TRIM44: variants seen among roughly 807,000 people sequenced by gnomAD.
TRIM44 encodes tripartite motif-containing protein 44.
Under a neutral mutation model 37.4 loss-of-function variants are expected in TRIM44, and 13 were observed. The observed-to-expected ratio is 0.35, with a 90% CI of 0.23 to 0.55. TRIM44 has a LOEUF of 0.55. Ranked by LOEUF, TRIM44 falls within the 20% of genes least tolerant of loss-of-function variation. TRIM44 has a pLI of 0.89. For synonymous variants in TRIM44, 175 were observed against 157.2 expected (o/e 1.11, Z -0.85); for missense variants, 426 against 437.2 (o/e 0.97, Z 0.23).
At chr11:35,742,798 A>T (rs899556458) in intron 4 of TRIM44, among the ~76,000 whole-genome samples, 11 of 139,674 alleles carry the variant, frequency 7.9e-5, no homozygotes. Flanking sequence ...AATTATATTA[A>T]TATATTAAAT....
At chr11:35,744,170 C>A (rs1852454270) in intron 4 of TRIM44, among the ~76,000 whole-genome samples, 1 of 152,154 alleles carries the variant, frequency 6.6e-6, no homozygotes, top group Non-Finnish European at 1.5e-5. Flanking sequence ...TAGGGCTTTT[C>A]TGCTCATTTC....
At chr11:35,803,987 GAAAAA>G (rs201464930) in intron 4 of TRIM44, among the ~76,000 whole-genome samples, 1 of 118,120 alleles carries the variant, frequency 8.5e-6, no homozygotes. Context: ...GTTCTGGGAA[GAAAAA>G]AAAAAAAAAA....
chr11:35,706,839 T>G (rs1045956833), intron 2 of TRIM44, among the ~76,000 whole-genome samples: 1 of 151,486 alleles, frequency 6.6e-6, no homozygotes, highest in Non-Finnish European at 1.5e-5. Flanking sequence ...AGCATTCCCT[T>G]TGAAAACTGG....
intron 2 of TRIM44, among the ~76,000 whole-genome samples, chr11:35,725,066 T>TCA (rs59413888): frequency 0.049 from 6,841 of 141,020 alleles, 249 homozygotes; most frequent in East Asian, 0.21. Context: ...ATGCACACAC[T>TCA]CACACACACA....
At chr11:35,693,024 A>G (rs1225213322) in intron 2 of TRIM44, among the ~76,000 whole-genome samples, 1 of 152,172 alleles carries the variant, frequency 6.6e-6, no homozygotes, top group Non-Finnish European at 1.5e-5. Flanking sequence ...CCAGAATCAC[A>G]GCAGATTCAG....
At chr11:35,773,829 C>T (rs1382009006) in intron 4 of TRIM44, among the ~76,000 whole-genome samples, 9 of 152,152 alleles carry the variant, frequency 5.9e-5, no homozygotes, top group Admixed American at 5.9e-4. Flanking sequence ...GCATAGTATC[C>T]CGTGGTGTAT....
chr11:35,805,659 G>A (rs959433100), intron 4 of TRIM44, among the ~76,000 whole-genome samples: 21 of 152,132 alleles, frequency 1.4e-4, no homozygotes, highest in African/African-American at 4.8e-4. Context: ...GCACCTCTAT[G>A]TGCCCAGCCC....
At chr11:35,762,543 T>C (rs537316330) in intron 4 of TRIM44, among the ~76,000 whole-genome samples, 1 of 152,312 alleles carries the variant, frequency 6.6e-6, no homozygotes, top group African/African-American at 2.4e-5. Flanking sequence ...GGGCTTGTGA[T>C]AGGATGAAAT....
intron 1 of TRIM44, among the ~76,000 whole-genome samples, chr11:35,664,255 A>G (rs1259661560): frequency 6.6e-6 from 1 of 152,192 alleles, no homozygotes; most frequent in Non-Finnish European, 1.5e-5. Flanking sequence ...TAGTAACTTC[A>G]TATGTGCCCC....
chr11:35,742,499 TATATTA>T (rs1852414224), intron 4 of TRIM44, among the ~76,000 whole-genome samples: 1 of 134,716 alleles, frequency 7.4e-6, no homozygotes, highest in Non-Finnish European at 1.5e-5. Flanking sequence ...TATATATAAT[TATATTA>T]AATATAATTA....
At position 35,813,787 on chromosome 11, in the gene TRIM44, T is replaced by C. The variant is rs1853552641; in HGVS notation, c.*7402T>C. 6.6e-6 allele frequency: 1 copy of C among 152,006 alleles called. No homozygotes were observed. The highest frequency in any genetic ancestry group is 2.4e-5 in the African/African-American group (1 of 41,370). 9.4% of individuals were successfully genotyped at this position (152,006 alleles called of 1,614,324 possible). On this transcript the variant is annotated 3_prime_UTR_variant, in exon 5 of 5. Transcript: ENST00000299413. ...CATCCCAATGGTTAAAAAAAAAAAC[T>C]TTTAGGAATTAAAAGGAATAAACCT...
At chr11:35,773,632 C>T (rs1053549732) in intron 4 of TRIM44, among the ~76,000 whole-genome samples, 1 of 152,138 alleles carries the variant, frequency 6.6e-6, no homozygotes, top group Non-Finnish European at 1.5e-5. Flanking sequence ...TCCCCCTACC[C>T]CACAACAGGC....
At chr11:35,769,813 G>C (rs1852842671) in intron 4 of TRIM44, among the ~76,000 whole-genome samples, 1 of 152,164 alleles carries the variant, frequency 6.6e-6, no homozygotes, top group South Asian at 2.1e-4. Flanking sequence ...TTGAGTGTAA[G>C]GAATTAGATG....
chr11:35,709,874 C>A (rs1243010881), intron 2 of TRIM44, among the ~76,000 whole-genome samples: 2 of 152,134 alleles, frequency 1.3e-5, no homozygotes, highest in Admixed American at 6.5e-5. Flanking sequence ...GAAAAATGAA[C>A]AATTTGTGAA....
intron 4 of TRIM44, among the ~76,000 whole-genome samples, chr11:35,765,581 G>C (rs982222786): frequency 6.6e-6 from 1 of 152,134 alleles, no homozygotes; most frequent in Admixed American, 6.5e-5. Flanking sequence ...AGTGTGCATT[G>C]CCTCACTATT....
chr11:35,753,202 T>C (rs1852580016), intron 4 of TRIM44, among the ~76,000 whole-genome samples: 1 of 152,072 alleles, frequency 6.6e-6, no homozygotes, highest in African/African-American at 2.4e-5. Context: ...GGTGATACAA[T>C]TGGGGGGGGA....
At chr11:35,805,091 G>A (rs1853430238) in intron 4 of TRIM44, among the ~76,000 whole-genome samples, 1 of 152,120 alleles carries the variant, frequency 6.6e-6, no homozygotes, top group Non-Finnish European at 1.5e-5. Context: ...TTATCCAACT[G>A]AAACTAAACC....
intron 1 of TRIM44, among the ~76,000 whole-genome samples, chr11:35,667,030 TTGG>T (rs1260027438): frequency 6.6e-6 from 1 of 152,216 alleles, no homozygotes; most frequent in Non-Finnish European, 1.5e-5. Context: ...ATGGATGTGG[TTGG>T]TGGGTATTCT....
At chr11:35,778,405 C>T (rs61375960) in intron 4 of TRIM44, among the ~76,000 whole-genome samples, 1,562 of 152,252 alleles carry the variant, frequency 0.01, 27 homozygotes, top group African/African-American at 0.036. Flanking sequence ...TTCAAACATC[C>T]TCCTTTAGCT....
Sources: gnomAD v4.1 joint callset for allele counts (sites outside exome capture counted in the v4.1 genomes callset) on GRCh38, gnomAD v4.1.1 for gene constraint, MANE v1.5 for transcripts, NCBI Gene and HGNC (gene_info 2026-07-23, HGNC 2026-07-21) for gene names.